Variants in UNC13C observed in about 807,000 individuals in gnomAD.
The protein encoded by UNC13C is unc-13 homolog C.
UNC13C carries 174 observed loss-of-function variants against 245.4 expected under a neutral mutation model. The observed-to-expected ratio is 0.71, with a 90% CI of 0.63 to 0.80. UNC13C has a LOEUF of 0.80. Among genes scored for constraint, UNC13C ranks in the 30% least tolerant of loss-of-function variants. UNC13C has a pLI of 0.00. For missense variants in UNC13C, 2,829 were observed against 2,602.9 expected (o/e 1.09, Z -1.89); for synonymous variants, 992 against 895.1 (o/e 1.11, Z -1.93).
intron 4 of UNC13C, among the ~76,000 whole-genome samples, chr15:54,221,460 T>C (rs1400800606): frequency 6.6e-6 from 1 of 151,292 alleles, no homozygotes; most frequent in Non-Finnish European, 1.5e-5. Context: ...GAGTCTATAA[T>C]AGTCATCAGG....
intron 17 of UNC13C, among the ~76,000 whole-genome samples, 165 bp downstream of exon 17, chr15:54,338,654 C>T (rs1002139839): frequency 6.6e-6 from 1 of 152,114 alleles, no homozygotes; most frequent in African/African-American, 2.4e-5. Flanking sequence ...ATCACTTTCA[C>T]ATACATGAAC....
intron 2 of UNC13C, among the ~76,000 whole-genome samples, chr15:54,089,757 C>T (rs931264639): frequency 8.7e-5 from 13 of 150,010 alleles, no homozygotes; most frequent in African/African-American, 2.7e-4. Context: ...CATTTTTACT[C>T]TCTGGAGAGA....
chr15:54,452,430 C>G (rs1260777208), intron 19 of UNC13C, among the ~76,000 whole-genome samples: 1 of 152,066 alleles, frequency 6.6e-6, no homozygotes. Flanking sequence ...GGTCTTCTGT[C>G]CCACAGGTGG....
At chr15:53,870,274 T>A in the UNC13C span, among the ~76,000 whole-genome samples, 4 of 152,222 alleles carry the variant, frequency 2.6e-5, no homozygotes, top group Non-Finnish European at 5.9e-5. Context: ...ATTTTTCTCC[T>A]CTCCTTTGAG....
chr15:54,001,829 C>A (rs1894902531), intron 1 of UNC13C, among the ~76,000 whole-genome samples: 1 of 152,216 alleles, frequency 6.6e-6, no homozygotes, highest in Non-Finnish European at 1.5e-5. Flanking sequence ...TGACTTAAGT[C>A]TTTCCTCTAT....
At chr15:53,893,012 C>CA in the UNC13C span, among the ~76,000 whole-genome samples, 1 of 152,148 alleles carries the variant, frequency 6.6e-6, no homozygotes, top group Non-Finnish European at 1.5e-5. Flanking sequence ...GTGGATTTAT[C>CA]TACCTTTGGT....
intron 19 of UNC13C, among the ~76,000 whole-genome samples, chr15:54,446,877 A>G (rs1890845249): frequency 6.6e-6 from 1 of 152,166 alleles, no homozygotes; most frequent in South Asian, 2.1e-4. Context: ...CCAGTTTTCA[A>G]AGGGAATGCT....
intron 1 of UNC13C, among the ~76,000 whole-genome samples, chr15:53,990,366 G>T (rs1247154496): frequency 6.6e-6 from 1 of 151,938 alleles, no homozygotes; most frequent in Non-Finnish European, 1.5e-5. Context: ...CAAAGTTTAG[G>T]AAGATTAAAT....
chr15:53,925,794 T>C, the UNC13C span, among the ~76,000 whole-genome samples: 1 of 152,196 alleles, frequency 6.6e-6, no homozygotes, highest in African/African-American at 2.4e-5. Flanking sequence ...CTCCGAAATC[T>C]ATTTTTAAAG....
intron 26 of UNC13C, among the ~76,000 whole-genome samples, chr15:54,541,960 T>C (rs1209637784): frequency 6.6e-6 from 1 of 152,062 alleles, no homozygotes; most frequent in Non-Finnish European, 1.5e-5. Flanking sequence ...GTATACTAAA[T>C]ACACATCGGG....
chr15:54,340,409 T>C (rs2038700716), intron 17 of UNC13C, among the ~76,000 whole-genome samples: 1 of 152,218 alleles, frequency 6.6e-6, no homozygotes, highest in African/African-American at 2.4e-5. Flanking sequence ...AGAATTTTTA[T>C]AGTTCGAGGT....
rs180943204 is a variant in UNC13C at position 54,338,444 on chromosome 15, T to A, written c.4668T>A (p.Tyr1556Ter). 6.2e-7 allele frequency: 1 copy of A among 1,613,824 alleles called. No individual in the cohort carries two copies. Among genetic ancestry groups the A allele is most frequent in the Admixed American group, 1.7e-5 (1 of 60,012 alleles). Residue 1556 changes from tyrosine to a stop codon, truncating the protein, a stop_gained, in exon 17 of 33, where the codon TAT (tyrosine) becomes TAA (stop). Coordinates refer to ENST00000260323, the MANE Select transcript of UNC13C (RefSeq NM_001080534.3). LOFTEE classifies it high-confidence loss of function. ...CTTGCCTGGATTCTACATACAAGTATATTTTTGACAACTGCCATGAACTCT... is the reference window on the plus strand; with the variant it reads ...CTTGCCTGGATTCTACATACAAGTAAATTTTTGACAACTGCCATGAACTCT... ...VRACLDSTYK[Y>*]IFDNCHELYS...
chr15:54,456,331 G>A (rs536796042), intron 19 of UNC13C, among the ~76,000 whole-genome samples: 24 of 152,112 alleles, frequency 1.6e-4, no homozygotes, highest in Admixed American at 3.9e-4. Flanking sequence ...TTTTGGCTAC[G>A]TAGGCTCCTT....
At chr15:53,944,538 G>C in the UNC13C span, among the ~76,000 whole-genome samples, 1 of 152,150 alleles carries the variant, frequency 6.6e-6, no homozygotes, top group African/African-American at 2.4e-5. Flanking sequence ...GCATTTATTT[G>C]CTAAGGATAA....
chr15:53,957,979 T>C, the UNC13C span, among the ~76,000 whole-genome samples: 1 of 152,186 alleles, frequency 6.6e-6, no homozygotes, highest in African/African-American at 2.4e-5. Flanking sequence ...TTTTGTTTTT[T>C]TGTGTTTTTT....
At chr15:54,602,270 C>G (rs1184517923) in intron 30 of UNC13C, among the ~76,000 whole-genome samples, 3 of 152,188 alleles carry the variant, frequency 2.0e-5, no homozygotes, top group Admixed American at 2.0e-4. Flanking sequence ...TGTTTACACA[C>G]TACGCAGAGT....
downstream of UNC13C, chr15:54,630,272 C>A (rs539363223): frequency 5.3e-5 from 8 of 152,092 alleles, no homozygotes; most frequent in Non-Finnish European, 1.2e-4. Context: ...ATCAGATGTC[C>A]CCACTACAAC....
intron 2 of UNC13C, among the ~76,000 whole-genome samples, chr15:54,065,460 G>A (rs1340896712): frequency 6.6e-6 from 1 of 152,186 alleles, no homozygotes; most frequent in African/African-American, 2.4e-5. Flanking sequence ...AGAATATCGG[G>A]CCTGAGCCCT....
intron 1 of UNC13C, among the ~76,000 whole-genome samples, chr15:54,011,708 C>A (rs1211501038): frequency 6.6e-6 from 1 of 152,162 alleles, no homozygotes. Context: ...AAGACTTGGA[C>A]TTCTTTAGAG....
Sources: gnomAD v4.1 joint callset for allele counts (sites outside exome capture counted in the v4.1 genomes callset) on GRCh38, gnomAD v4.1.1 for gene constraint, MANE v1.5 for transcripts, NCBI Gene and HGNC (gene_info 2026-07-23, HGNC 2026-07-21) for gene names.